The following PHF20L1 variants were observed in gnomAD, a reference collection of about 807,000 sequenced individuals.
PHF20L1 encodes the protein PHD finger protein 20-like protein 1.
Under a neutral mutation model 125.5 loss-of-function variants are expected in PHF20L1, and 44 were observed. The observed-to-expected ratio is 0.35, with a 90% confidence interval of 0.28 to 0.45. The LOEUF (loss-of-function observed/expected upper bound fraction) is 0.45. Among genes scored for constraint, PHF20L1 ranks in the 20% least tolerant of loss-of-function variants. The pLI, the probability that PHF20L1 is intolerant of heterozygous loss-of-function variation, is 1.00. For missense variants in PHF20L1, 1,012 were observed against 1,217.2 expected (o/e 0.83, Z 2.51); for synonymous variants, 380 against 403.1 (o/e 0.94, Z 0.69).
At chr8:132,816,434 T>TATA (rs1486479557) in intron 10 of PHF20L1, 1 of 154,304 alleles carries the variant, frequency 6.5e-6, no homozygotes, top group Non-Finnish European at 1.4e-5. Context: ...TCACTAACTC[T>TATA]ATAATGTTGT....
intron 6 of PHF20L1, among the ~76,000 whole-genome samples, chr8:132,802,823 G>A (rs531843057): frequency 4.6e-5 from 7 of 151,826 alleles, no homozygotes; most frequent in East Asian, 1.9e-4. Flanking sequence ...AATGTAAACC[G>A]TGAATTAAAT....
intron 2 of PHF20L1, among the ~76,000 whole-genome samples, chr8:132,786,996 G>C (rs1161213838): frequency 6.6e-6 from 1 of 152,012 alleles, no homozygotes; most frequent in African/African-American, 2.4e-5. Flanking sequence ...ATAGAACTGG[G>C]TGATTGCAAC....
At chr8:132,814,913 A>G in intron 10 of PHF20L1, 24 bp downstream of exon 10, 1 of 1,501,232 alleles carries the variant, frequency 6.7e-7, no homozygotes, top group Non-Finnish European at 9.2e-7. Context: ...TTTAAAAAAT[A>G]GTTATTTATC....
chr8:132,828,889 CTTGTAAGTCATTGAAGTATATGG>C (rs1243713756), intron 14 of PHF20L1, among the ~76,000 whole-genome samples: 1 of 151,960 alleles, frequency 6.6e-6, no homozygotes, highest in African/African-American at 2.4e-5. Flanking sequence ...CTTCGAGGAG[CTTGTAAGTCATTGAAGTATATGG>C]TAAGAGAGAT....
intron 2 of PHF20L1, among the ~76,000 whole-genome samples, chr8:132,793,812 TA>T (rs1376300457): frequency 3.9e-5 from 6 of 152,182 alleles, no homozygotes; most frequent in Non-Finnish European, 8.8e-5. Flanking sequence ...AAATAAGAAT[TA>T]AAGTGAGCTT....
intron 9 of PHF20L1, among the ~76,000 whole-genome samples, chr8:132,813,366 TTATGTGG>T (rs1834597265): frequency 6.6e-6 from 1 of 151,982 alleles, no homozygotes; most frequent in South Asian, 2.1e-4. Context: ...ACCAGGCCTT[TTATGTGG>T]TATGTCCAAC....
intron 14 of PHF20L1, 44 bp downstream of exon 14, chr8:132,825,415 A>G (rs1187937834): frequency 7.0e-7 from 1 of 1,419,660 alleles, no homozygotes; most frequent in Admixed American, 2.8e-5. Flanking sequence ...TTAAAATTTG[A>G]AGTTTCCTTT....
At chr8:132,795,839 A>G (rs1446861138) in intron 4 of PHF20L1, among the ~76,000 whole-genome samples, 1 of 152,140 alleles carries the variant, frequency 6.6e-6, no homozygotes, top group Non-Finnish European at 1.5e-5. Flanking sequence ...ATAAAATAGA[A>G]TAATCAAACA....
rs1407025489 is a variant in PHF20L1 at position 132,836,590 on chromosome 8, C to T, written c.1960C>T (p.Leu654=). ...LDDSSTESLL[L]SGDEYNQDFD... The stretch of plus-strand genomic sequence containing the variant: ...TGATTCTTCAACGGAGAGTTTGCTT[C>T]TGAGTGGGGATGAATACAATCAGGA... Residue 654 remains leucine (L), a synonymous_variant, in exon 16 of 21, where the codon CTG becomes TTG. Transcript: ENST00000395386. 4 of 1,612,406 alleles carry T rather than the reference C, an allele frequency of 2.5e-6. No homozygotes were observed. Among genetic ancestry groups the T allele is most frequent in the East Asian group, 2.2e-5 (1 of 44,816 alleles).
intron 8 of PHF20L1, among the ~76,000 whole-genome samples, chr8:132,805,927 A>T (rs970155779): frequency 1.3e-5 from 2 of 151,978 alleles, no homozygotes; most frequent in Non-Finnish European, 2.9e-5. Context: ...TTTCCTTGTA[A>T]ACTATTAACC....
intron 12 of PHF20L1, among the ~76,000 whole-genome samples, chr8:132,821,717 T>C (rs1835622834): frequency 6.6e-6 from 1 of 151,898 alleles, no homozygotes; most frequent in African/African-American, 2.4e-5. Flanking sequence ...TCTACATTAC[T>C]AGTTTTTTGA....
chr8:132,788,813 G>A (rs920732974), intron 2 of PHF20L1: 3 of 152,084 alleles, frequency 2.0e-5, no homozygotes, highest in Admixed American at 1.3e-4. Context: ...GGATAATGAA[G>A]CGCTGACAGT....
rs1271679769 is a variant in PHF20L1 at position 132,842,660 on chromosome 8, C to T, written c.2533C>T (p.Pro845Ser). 1.2e-6 allele frequency: 2 copies of T among 1,613,148 alleles called. No homozygotes were observed. The highest frequency in any genetic ancestry group is 2.2e-5 in the East Asian group (1 of 44,832). ...GAAATATGTACAGAACCATAAAGAA[C>T]CACCTCGTTTGCCCCTAAAAATGGA... Reference protein sequence around the residue: ...EKKYVQNHKEPPRLPLKMEGT... With the variant: ...EKKYVQNHKESPRLPLKMEGT... Residue 845 changes from proline (P) to serine (S), a missense_variant, in exon 19 of 21, where the codon CCA (proline) becomes TCA (serine). Around this residue, in one of 7 missense-constraint regions of PHF20L1, gnomAD observed 277 missense variants for 283.6 expected, o/e 0.98. Transcript: ENST00000395386.
intron 12 of PHF20L1, among the ~76,000 whole-genome samples, chr8:132,823,376 T>A (rs1243737044): frequency 6.6e-6 from 1 of 151,950 alleles, no homozygotes; most frequent in African/African-American, 2.4e-5. Flanking sequence ...CCAGATAGCA[T>A]TCATGTCATA....
In PHF20L1 at chr8:132,825,303, G is replaced by C. The variant is rs1836049061; in HGVS notation, c.1676G>C (p.Arg559Thr). The change falls in exon 14 of 21, where the codon AGA (arginine) becomes ACA (threonine). Residue 559 changes from arginine to threonine, a missense_variant. Coordinates refer to ENST00000395386, the MANE Select transcript of PHF20L1 (RefSeq NM_016018.5). Reference protein sequence around the residue: ...KEKDKERREKRDKDHYRPKQK... With the variant: ...KEKDKERREKTDKDHYRPKQK... ...AAAGATAAGGAAAGAAGAGAGAAGA[G>C]AGACAAAGATCACTACAGACCAAAA... is the stretch of plus-strand genomic sequence containing the variant. The C allele has an allele frequency of 6.5e-7, 1 of 1,536,332 alleles. No homozygotes were observed. The highest frequency in any genetic ancestry group is 1.4e-5 in the African/African-American group (1 of 72,410).
intron 4 of PHF20L1, among the ~76,000 whole-genome samples, chr8:132,797,827 T>C: frequency 6.6e-6 from 1 of 152,068 alleles, no homozygotes; most frequent in East Asian, 1.9e-4. Context: ...TAGTAATGAT[T>C]GTCACATTTC....
At chr8:132,824,093 CTA>C in intron 13 of PHF20L1, 33 bp downstream of exon 13, 2 of 1,383,414 alleles carry the variant, frequency 1.4e-6, no homozygotes. Flanking sequence ...AAGCAAAAGA[CTA>C]TAAAGCTTGA....
At position 132,817,005 on chromosome 8, in the gene PHF20L1, C is replaced by A. The variant is rs769877941; in HGVS notation, c.1301C>A (p.Pro434His). ...GATTCTGTAGAAAAGGTTTCTTCTC[C>A]CTCTCCAGCCACTGATGGGAAAGTA... ...PDDSVEKVSS[P>H]SPATDGKVFS... is the part of the protein sequence containing the mutation. Residue 434 changes from proline (P) to histidine (H), a missense_variant, in exon 11 of 21, where the codon CCC becomes CAC. Physicochemically the swap from Pro to His is moderately conservative, Grantham distance 77. Transcript: ENST00000395386. The A allele has an allele frequency of 6.2e-7, 1 of 1,608,506 alleles. No individual in the cohort carries two copies. The highest frequency in any genetic ancestry group is 8.5e-7 in the Non-Finnish European group (1 of 1,177,210).
intron 13 of PHF20L1, chr8:132,824,286 G>T: frequency 2.8e-6 from 1 of 357,504 alleles, no homozygotes; most frequent in Non-Finnish European, 5.0e-6. Flanking sequence ...TTCTCCAAAG[G>T]AACTTTTGTG....
Sources: allele counts gnomAD v4.1 joint callset (sites outside exome capture counted in the v4.1 genomes callset), GRCh38; gene constraint gnomAD v4.1.1; regional missense constraint gnomAD v4.1.1; transcripts MANE v1.5; gene names NCBI Gene and HGNC (gene_info 2026-07-23, HGNC 2026-07-21).